Variants in TMEM63B observed in about 807,000 individuals in gnomAD.
The protein encoded by TMEM63B is transmembrane protein 63B.
TMEM63B carries 23 observed loss-of-function variants against 102.6 expected under a neutral mutation model. The ratio of observed to expected loss-of-function variants is 0.22; its 90% CI spans 0.16 to 0.32. The LOEUF is 0.32. Ranked by LOEUF, TMEM63B falls within the 10% of genes least tolerant of loss-of-function variation. The pLI is 1.00. For synonymous variants in TMEM63B, 444 were observed against 437.0 expected (o/e 1.02, Z -0.20); for missense variants, 628 against 1,095.9 (o/e 0.57, Z 6.03).
chr6:44,144,296 C>G (rs1764897197), intron 10 of TMEM63B, among the ~76,000 whole-genome samples: 1 of 152,204 alleles, frequency 6.6e-6, no homozygotes, highest in Non-Finnish European at 1.5e-5. Flanking sequence ...GATTGGAAGA[C>G]TGTCTCAGCA....
At chr6:44,153,997 A>T in intron 21 of TMEM63B, 76 bp from the exon 22 acceptor site, 1 of 1,566,346 alleles carries the variant, frequency 6.4e-7, no homozygotes, top group African/African-American at 1.3e-5. Context: ...TGAGGACTGC[A>T]TTCAGAGGGT....
chr6:44,151,325 T>C (rs1766561446), intron 18 of TMEM63B, among the ~76,000 whole-genome samples: 1 of 152,206 alleles, frequency 6.6e-6, no homozygotes, highest in Admixed American at 6.5e-5. Flanking sequence ...GGGGTTTTGC[T>C]GTAGGCCATC....
chr6:44,148,838 G>C lies in TMEM63B; in HGVS notation c.1306G>C (p.Val436Leu), dbSNP rs1429920879. The C allele has an allele frequency of 2.5e-6, 4 of 1,614,134 alleles. No individual in the cohort carries two copies. Among genetic ancestry groups the C allele is most frequent in the Non-Finnish European group, 3.4e-6 (4 of 1,180,018 alleles). The stretch of plus-strand genomic sequence containing the variant: ...CTTCATCTGGTGGCTGCGCTGCCTG[G>C]TCATCAATGTCGTCCTCTTCATCCT... ...RGFIWWLRCLVINVVLFILLF... is the reference protein window; with the variant it reads ...RGFIWWLRCLLINVVLFILLF... Residue 436 changes from valine to leucine, a missense_variant, in exon 15 of 24, where the codon GTC becomes CTC. Val to Leu is a conservative substitution (Grantham distance 32). Around this residue, in one of 6 missense-constraint regions of TMEM63B, gnomAD observed 336 missense variants for 580.3 expected, o/e 0.58. Transcript: ENST00000323267. The surrounding 1 kb of genome is among the most constrained non-coding windows in gnomAD (Gnocchi z 5.1).
chr6:44,138,299 C>G, intron 5 of TMEM63B, 181 bp from the exon 6 acceptor site: 1 of 696,126 alleles, frequency 1.4e-6, no homozygotes. Flanking sequence ...GGGCTGAGAC[C>G]TTCCCTCTCT....
At chr6:44,138,569 G>A in intron 6 of TMEM63B, 52 bp downstream of exon 6, 2 of 1,610,040 alleles carry the variant, frequency 1.2e-6, no homozygotes, top group South Asian at 1.1e-5. Flanking sequence ...TCAGAACCTG[G>A]CATCTCCCTA....
In TMEM63B at chr6:44,152,376, C is replaced by G. The variant is rs1766882113; in HGVS notation, c.1837-217C>G. ...CAGGCCCCGACCCTTGAAGGCCCCT[C>G]TCCGTGCCCCATCACTGCAACCGCC... is the stretch of plus-strand genomic sequence containing the variant. On this transcript the variant is annotated intron_variant, in intron 19 of 23. Transcript: ENST00000323267. This position sits in a 1 kb window ranked among gnomAD's most constrained non-coding sequence, Gnocchi z 6.4. Among the ~76,000 whole-genome samples the G allele has an allele frequency of 6.6e-6, 1 of 152,200 alleles. No individual in the cohort carries two copies. The highest frequency in any genetic ancestry group is 2.4e-5 in the African/African-American group (1 of 41,526).
intron 10 of TMEM63B, among the ~76,000 whole-genome samples, chr6:44,143,999 A>G (rs1242303732): frequency 6.6e-6 from 1 of 152,176 alleles, no homozygotes; most frequent in Non-Finnish European, 1.5e-5. Context: ...GAAGCTGAAG[A>G]TCCTAGTTGT....
chr6:44,139,898 G>A, intron 8 of TMEM63B, 139 bp downstream of exon 8: 1 of 1,053,062 alleles, frequency 9.5e-7, no homozygotes, highest in Non-Finnish European at 1.4e-6. Flanking sequence ...GGCTTGGGTT[G>A]GAGACAGAAG....
In TMEM63B at chr6:44,150,715, C is replaced by T. The variant is rs1766421228; in HGVS notation, c.1673+86C>T. On this transcript the variant is annotated intron_variant, in intron 18 of 23. Transcript: ENST00000323267. This position sits in a 1 kb window ranked among gnomAD's most constrained non-coding sequence, Gnocchi z 4.7. ...ACATTGCCAGCCCCATGGGAGGGTG[C>T]AACAAAGCTTCCAACTCCTGGAGGG... 7.2e-7 allele frequency: 1 copy of T among 1,393,026 alleles called. No individual in the cohort carries two copies. Among genetic ancestry groups the T allele is most frequent in the Non-Finnish European group, 1.0e-6 (1 of 989,170 alleles). The allele number at this position is 1,393,026 out of a possible 1,614,324, so 86.3% of individuals were successfully genotyped here. A position where few individuals can be genotyped will look rare whatever the true frequency, so the allele number is the denominator to read the frequency against.
chr6:44,153,942 AGGGGCCTGGGAGAGGCT>A, intron 21 of TMEM63B, 99 bp downstream of exon 21: 2 of 1,567,596 alleles, frequency 1.3e-6, no homozygotes, highest in South Asian at 2.4e-5. Context: ...GTGGCAGGCA[AGGGGCCTGGGAGAGGCT>A]GGGGCCAGTC....
intron 1 of TMEM63B, among the ~76,000 whole-genome samples, chr6:44,130,687 G>A (rs1475033876): frequency 2.7e-5 from 4 of 150,834 alleles, no homozygotes; most frequent in African/African-American, 7.3e-5. Flanking sequence ...CTGGGCTGAC[G>A]TGATTCTCCC....
rs114456221 is a variant in TMEM63B at position 44,144,434 on chromosome 6, A to G, written c.783-2413A>G. 7.1e-3 allele frequency among the ~76,000 whole-genome samples: 1,083 copies of G among 152,264 alleles called. 8 individuals carry two copies. The highest frequency in any genetic ancestry group is 0.025 in the African/African-American group (1,038 of 41,540). On this transcript the variant is annotated intron_variant, in intron 10 of 23. Transcript: ENST00000323267. Reference sequence around the variant, plus strand: ...GAAACCTCAAATGGTTTGAGGAACAATATCAGAGGAAAGGTCTCTAGCCTC... The same window carrying G: ...GAAACCTCAAATGGTTTGAGGAACAGTATCAGAGGAAAGGTCTCTAGCCTC...
chr6:44,148,689 G>C lies in TMEM63B; in HGVS notation c.1259+39G>C. The C allele has an allele frequency of 6.2e-7, 1 of 1,612,156 alleles. No individual in the cohort carries two copies. Among genetic ancestry groups the C allele is most frequent in the East Asian group, 2.2e-5 (1 of 44,840 alleles). ...TGTCAGGGCAGGCTTTCCAGGGCCT[G>C]GGATGGGCTCAGTAGGTAGGCGGAG... On this transcript the variant is annotated intron_variant, in intron 14 of 23. Coordinates refer to ENST00000323267, the MANE Select transcript of TMEM63B (RefSeq NM_018426.3). This position sits in a 1 kb window ranked among gnomAD's most constrained non-coding sequence, Gnocchi z 5.1.
Position 44,154,107 on chromosome 6 carries a change from G to T in TMEM63B, c.2145G>T (p.Val715=), listed in dbSNP as rs1473689166. 8 of 1,614,112 alleles carry T rather than the reference G, an allele frequency of 5.0e-6. No homozygotes were observed. The highest frequency in any genetic ancestry group is 6.8e-6 in the Non-Finnish European group (8 of 1,179,984). Reference sequence around the variant, plus strand: ...CTCCCACGTCTATGTTCACATTTGTGGTCCTGGTCATCACCATCGTCATCT... The same window carrying T: ...CTCCCACGTCTATGTTCACATTTGTTGTCCTGGTCATCACCATCGTCATCT... ...FLAPTSMFTF[V]VLVITIVICL... The change falls in exon 22 of 24, where the codon GTG becomes GTT. Residue 715 remains valine (V), a synonymous_variant. Coordinates refer to ENST00000323267, the MANE Select transcript of TMEM63B (RefSeq NM_018426.3).
intron 23 of TMEM63B, 24 bp from the exon 24 acceptor site, chr6:44,154,668 C>A: frequency 6.6e-7 from 1 of 1,507,120 alleles, no homozygotes; most frequent in South Asian, 1.3e-5. Context: ...GTTCACCTTG[C>A]CCCCATTTCC....
At chr6:44,128,338 A>G (rs1481881158) in intron 1 of TMEM63B, among the ~76,000 whole-genome samples, 2 of 151,858 alleles carry the variant, frequency 1.3e-5, no homozygotes, top group African/African-American at 2.4e-5. Flanking sequence ...CAGTTCATTC[A>G]TGAGCCGCCC....
rs553112649 is a variant in TMEM63B, at chr6:44,134,356, G to A, written c.-24-205G>A. 1.2e-4 allele frequency: 66 copies of A among 544,382 alleles called. No homozygotes were observed. The South Asian group carries it at 1.7e-3, about 14-fold the overall frequency. The allele number at this position is 544,382 out of a possible 1,614,324, so 33.7% of individuals were successfully genotyped here. A position where few individuals can be genotyped will look rare whatever the true frequency, so the allele number is the denominator to read the frequency against. On this transcript the variant is annotated intron_variant, in intron 1 of 23. Transcript: ENST00000323267. ...TCTAGACTGAGTTCCCCAGACCCAG[G>A]GTGGGGTCATAGCCAGAGAGCCAGT...
chr6:44,151,882 G>T lies in TMEM63B; in HGVS notation c.1710G>T (p.Val570=). Reference sequence around the variant, plus strand: ...TGCCCGACAACGGCGCCTTCTTCGTGAACTACGTCATTGCCTCAGCCTTTA... The same window carrying T: ...TGCCCGACAACGGCGCCTTCTTCGTTAACTACGTCATTGCCTCAGCCTTTA... ...VFLPDNGAFF[V]NYVIASAFIG... Residue 570 remains valine (V), a synonymous_variant, in exon 19 of 24, where the codon GTG becomes GTT. Transcript: ENST00000323267. The T allele has an allele frequency of 6.2e-7, 1 of 1,613,180 alleles. No homozygotes were observed. The highest frequency in any genetic ancestry group is 8.5e-7 in the Non-Finnish European group (1 of 1,179,616).
intron 15 of TMEM63B, 72 bp from the exon 16 acceptor site, chr6:44,149,787 G>A: frequency 1.6e-6 from 2 of 1,226,722 alleles, no homozygotes; most frequent in Non-Finnish European, 2.3e-6. Context: ...CAGCTGGGGA[G>A]GAGGCACATA....
Sources: gnomAD v4.1 joint callset for allele counts (sites outside exome capture counted in the v4.1 genomes callset) on GRCh38, gnomAD v4.1.1 for gene constraint, gnomAD v4.1.1 regional missense constraint, Gnocchi (gnomAD v3.1) non-coding constraint, MANE v1.5 for transcripts, NCBI Gene and HGNC (gene_info 2026-07-23, HGNC 2026-07-21) for gene names.